The following PLCB4 variants were observed in gnomAD, a reference collection of about 807,000 sequenced individuals.
The protein encoded by PLCB4 is phospholipase C beta 4.
A neutral mutation model predicts 178.8 loss-of-function variants in PLCB4; 77 were observed. That is an observed-to-expected ratio of 0.43 (90% CI 0.36 to 0.52). PLCB4 has a LOEUF of 0.52. PLCB4 is among the 20% of genes least tolerant of loss of function. PLCB4 has a pLI of 0.00. For missense variants in PLCB4, 1,024 were observed against 1,453.4 expected, an observed-to-expected ratio of 0.70 and a Z score of 4.80; for synonymous variants, 496 against 490.8, an observed-to-expected ratio of 1.01 and a Z score of -0.14.
intron 7 of PLCB4, among the ~76,000 whole-genome samples, chr20:9,352,221 A>G (rs142700972): frequency 2.0e-4 from 31 of 152,346 alleles, no homozygotes; most frequent in African/African-American, 7.2e-4. Flanking sequence ...TCAGGCACTA[A>G]AGAACATCAT....
At chr20:9,404,546 A>C (rs1191141512) in intron 20 of PLCB4, among the ~76,000 whole-genome samples, 1 of 150,344 alleles carries the variant, frequency 6.7e-6, no homozygotes, top group Non-Finnish European at 1.5e-5. Context: ...CGGAGGTTGC[A>C]GTGAGCCAAG....
At chr20:9,369,053 C>T (rs1177125454) in intron 9 of PLCB4, among the ~76,000 whole-genome samples, 1 of 152,202 alleles carries the variant, frequency 6.6e-6, no homozygotes, top group African/African-American at 2.4e-5. Context: ...ATCTCCCTTC[C>T]CCTTGAGACA....
At chr20:9,238,257 G>A (rs1366624532) in intron 3 of PLCB4, among the ~76,000 whole-genome samples, 1 of 152,164 alleles carries the variant, frequency 6.6e-6, no homozygotes, top group Non-Finnish European at 1.5e-5. Context: ...AAGGAGTTCT[G>A]TTGTCACTTC....
At chr20:9,233,524 T>C (rs1488855382) in intron 3 of PLCB4, among the ~76,000 whole-genome samples, 1 of 152,124 alleles carries the variant, frequency 6.6e-6, no homozygotes, top group African/African-American at 2.4e-5. Flanking sequence ...GTAGAGGCTA[T>C]GGTAGGATAG....
intron 2 of PLCB4, chr20:9,166,517 T>C (rs2092974382): frequency 6.6e-6 from 1 of 152,158 alleles, no homozygotes; most frequent in Admixed American, 6.6e-5. Context: ...AGGACCAGCG[T>C]TATAGTCCCT....
At chr20:9,174,958 C>T (rs2093129420) in intron 2 of PLCB4, among the ~76,000 whole-genome samples, 3 of 152,078 alleles carry the variant, frequency 2.0e-5, no homozygotes, top group African/African-American at 7.2e-5. Context: ...CTCTTTTGAC[C>T]TGTCTTATTG....
intron 20 of PLCB4, among the ~76,000 whole-genome samples, chr20:9,404,568 G>T (rs1301357073): frequency 7.0e-6 from 1 of 143,686 alleles, no homozygotes; most frequent in Non-Finnish European, 1.5e-5. Context: ...TTGTGCCACT[G>T]CACTCCAGCC....
intron 3 of PLCB4, among the ~76,000 whole-genome samples, chr20:9,254,627 G>A (rs890120584): frequency 6.6e-6 from 1 of 152,188 alleles, no homozygotes; most frequent in African/African-American, 2.4e-5. Flanking sequence ...GAATCTGGGA[G>A]TTGGAGGTTG....
chr20:9,393,307 C>T (rs541010685), intron 17 of PLCB4, among the ~76,000 whole-genome samples: 2 of 152,278 alleles, frequency 1.3e-5, no homozygotes, highest in African/African-American at 4.8e-5. Context: ...AACCCCTCCC[C>T]GGCACATCCC....
chr20:9,371,611 G>A (rs2036260305), intron 10 of PLCB4, among the ~76,000 whole-genome samples: 1 of 152,110 alleles, frequency 6.6e-6, no homozygotes, highest in African/African-American at 2.4e-5. Context: ...CCAGCTTGCT[G>A]TGTTACACAG....
intron 3 of PLCB4, among the ~76,000 whole-genome samples, chr20:9,222,229 A>T (rs1443230558): frequency 6.6e-6 from 1 of 151,992 alleles, no homozygotes; most frequent in Admixed American, 6.6e-5. Flanking sequence ...GGCTGGGACT[A>T]CAAGTATGCA....
chr20:9,473,253 AAT>A, intron 37 of PLCB4, 24 bp from the exon 38 acceptor site: 2 of 1,108,858 alleles, frequency 1.8e-6, no homozygotes, highest in Non-Finnish European at 2.6e-6. Context: ...GTTCAATCAG[AAT>A]TTTTTTTTTT....
Position 9,272,383 on chromosome 20 carries a change from G to A in PLCB4, c.-15-35417G>A, listed in dbSNP as rs114250469. Reference sequence around the variant, plus strand: ...CTTTAGTAGTCATAAAATATGTTACGTTAATGAGGATGCTGACTGGCAATC... The same window carrying A: ...CTTTAGTAGTCATAAAATATGTTACATTAATGAGGATGCTGACTGGCAATC... On this transcript the variant is annotated intron_variant, in intron 3 of 39. Transcript: ENST00000378473. 6.4e-3 allele frequency among the ~76,000 whole-genome samples: 967 copies of A among 152,112 alleles called. 15 individuals carry two copies. The highest frequency in any genetic ancestry group is 0.022 in the African/African-American group (925 of 41,520).
chr20:9,127,638 TTATCTATCTATCTATCTATCTATC>T (rs35789567), intron 2 of PLCB4, among the ~76,000 whole-genome samples: 22 of 146,896 alleles, frequency 1.5e-4, no homozygotes, highest in Non-Finnish European at 3.0e-4. Context: ...GGTGGTAAAA[TTATCTATCTATCTATCTATCTATC>T]TATCTATCTA....
chr20:9,181,843 T>A (rs183477881), intron 2 of PLCB4, among the ~76,000 whole-genome samples: 1 of 152,236 alleles, frequency 6.6e-6, no homozygotes, highest in African/African-American at 2.4e-5. Context: ...GTGAGACAAA[T>A]AATTGTTCTG....
chr20:9,380,257 C>G (rs967301462), intron 13 of PLCB4, 95 bp downstream of exon 13: 18 of 625,352 alleles, frequency 2.9e-5, no homozygotes, highest in Non-Finnish European at 4.5e-5. Context: ...AAATGCTTTG[C>G]AACTCCCTGA....
intron 28 of PLCB4, among the ~76,000 whole-genome samples, chr20:9,427,587 G>T (rs1261459415): frequency 6.6e-6 from 1 of 152,166 alleles, no homozygotes; most frequent in Non-Finnish European, 1.5e-5. Flanking sequence ...TATCTTTGCT[G>T]CTTTATCTGT....
chr20:9,258,553 A>G (rs963030708), intron 3 of PLCB4, among the ~76,000 whole-genome samples: 4 of 151,840 alleles, frequency 2.6e-5, no homozygotes, highest in African/African-American at 9.7e-5. Flanking sequence ...CGTCTCTACT[A>G]AAAATACCAA....
rs141161638 is a variant in PLCB4 at position 9,156,269 on chromosome 20, C to T, written c.-79+59927C>T. Among the ~76,000 whole-genome samples, 529 of 152,170 alleles carry T rather than the reference C, an allele frequency of 3.5e-3. 4 individuals are homozygous for T. The highest frequency in any genetic ancestry group is 0.012 in the African/African-American group (494 of 41,500). ...TGGGCAATACCTCTCTCAATGTATT[C>T]GAGAAGTCACGTACAGGTCACATAT... On this transcript the variant is annotated intron_variant, in intron 2 of 39. Transcript: ENST00000378473.
Sources: gnomAD v4.1 joint callset for allele counts (sites outside exome capture counted in the v4.1 genomes callset) on GRCh38, gnomAD v4.1.1 for gene constraint, MANE v1.5 for transcripts, NCBI Gene and HGNC (gene_info 2026-07-23, HGNC 2026-07-21) for gene names.